PRKCH: variants seen among roughly 807,000 people sequenced by gnomAD.
PRKCH encodes the protein protein kinase C eta.
PRKCH carries 28 observed loss-of-function variants against 82.5 expected under a neutral mutation model. The ratio of observed to expected loss-of-function variants is 0.34; its 90% CI spans 0.25 to 0.47. The LOEUF is 0.47. Ranked by LOEUF, PRKCH falls within the 20% of genes least tolerant of loss-of-function variation. The pLI is 1.00. For synonymous variants in PRKCH, 322 were observed against 327.4 expected (o/e 0.98, Z 0.18); for missense variants, 705 against 881.8 (o/e 0.80, Z 2.54).
At chr14:61,209,489 G>A (rs559527365) in intron 1 of PRKCH, among the ~76,000 whole-genome samples, 85 of 151,936 alleles carry the variant, frequency 5.6e-4, no homozygotes, top group South Asian at 2.5e-3. Context: ...CGAGCTGACT[G>A]AGACAACCAC....
At chr14:61,408,558 A>T (rs1882089664) in intron 2 of PRKCH, among the ~76,000 whole-genome samples, 1 of 152,050 alleles carries the variant, frequency 6.6e-6, no homozygotes. Flanking sequence ...GCGTGACCTT[A>T]AGCAATGGTT....
intron 2 of PRKCH, among the ~76,000 whole-genome samples, chr14:61,439,599 A>G (rs1399725618): frequency 6.8e-6 from 1 of 146,426 alleles, no homozygotes; most frequent in African/African-American, 2.8e-5. Context: ...ATTGAGGTGC[A>G]CTCCCGGCCT....
At chr14:61,354,336 T>TATA (rs1287936439) in intron 1 of PRKCH, among the ~76,000 whole-genome samples, 3 of 152,174 alleles carry the variant, frequency 2.0e-5, no homozygotes, top group East Asian at 3.8e-4. Context: ...CCATGTTGCT[T>TATA]ATAATAGCTG....
chr14:61,330,701 A>G (rs1031543423), intron 1 of PRKCH, among the ~76,000 whole-genome samples: 10 of 152,160 alleles, frequency 6.6e-5, no homozygotes. Flanking sequence ...CCAGTTTGCC[A>G]CAGACCCCTC....
intron 10 of PRKCH, among the ~76,000 whole-genome samples, chr14:61,515,741 A>C (rs975651809): frequency 2.0e-5 from 3 of 152,204 alleles, no homozygotes; most frequent in African/African-American, 7.2e-5. Context: ...ATACCTGCCC[A>C]AAATGCAAAA....
At chr14:61,540,476 G>C (rs960001573) in intron 12 of PRKCH, among the ~76,000 whole-genome samples, 11 of 152,176 alleles carry the variant, frequency 7.2e-5, no homozygotes, top group African/African-American at 2.7e-4. Flanking sequence ...TTCAAATCCT[G>C]ACTGTAGCAC....
At chr14:61,330,708 C>T (rs1313280721) in intron 1 of PRKCH, among the ~76,000 whole-genome samples, 1 of 152,118 alleles carries the variant, frequency 6.6e-6, no homozygotes, top group Non-Finnish European at 1.5e-5. Context: ...GCCACAGACC[C>T]CTCCACTCCC....
intron 2 of PRKCH, among the ~76,000 whole-genome samples, chr14:61,431,769 C>T (rs1414950119): frequency 6.6e-6 from 1 of 152,138 alleles, no homozygotes; most frequent in Non-Finnish European, 1.5e-5. Flanking sequence ...CTGGTAAAAC[C>T]TTTTATTATA....
rs568462285 is a variant in PRKCH, at chr14:61,280,806, C to T, written c.-19+93138C>T. 432 of 1,561,722 alleles carry T rather than the reference C, an allele frequency of 2.8e-4. 1 individual carries two copies. The highest frequency in any genetic ancestry group is 2.1e-4 in the Non-Finnish European group (241 of 1,162,904). On this transcript the variant is annotated intron_variant, in intron 1 of 3. Transcript: ENST00000555185. The surrounding 1 kb of genome is among the most constrained non-coding windows in gnomAD (Gnocchi z 5.0). ...GCCGGTTGTTCTGGTAGAAGTTGGT[C>T]AGCTCGTAGTAGAGGTACACTGGGC...
intron 1 of PRKCH, among the ~76,000 whole-genome samples, chr14:61,222,844 T>C (rs1400121598): frequency 6.6e-6 from 1 of 152,246 alleles, no homozygotes; most frequent in African/African-American, 2.4e-5. Context: ...TCATGAAATT[T>C]GAACCTCAAA....
chr14:61,287,565 C>T (rs1489515070), intron 1 of PRKCH, among the ~76,000 whole-genome samples: 1 of 152,106 alleles, frequency 6.6e-6, no homozygotes, highest in African/African-American at 2.4e-5. Flanking sequence ...ACAAAATTAC[C>T]TAGGCATGGT....
At chr14:61,239,877 C>A (rs376222970) in intron 1 of PRKCH, among the ~76,000 whole-genome samples, 1 of 152,226 alleles carries the variant, frequency 6.6e-6, no homozygotes, top group South Asian at 2.1e-4. Context: ...GGGGTAGCAT[C>A]AAGATCTGAC....
At chr14:61,199,593 A>G (rs1594848331) in intron 1 of PRKCH, among the ~76,000 whole-genome samples, 1 of 150,442 alleles carries the variant, frequency 6.6e-6, no homozygotes, top group Non-Finnish European at 1.5e-5. Flanking sequence ...AGCAGCAACT[A>G]TGCTTGCTTC....
chr14:61,305,570 T>C (rs2045480530), intron 1 of PRKCH: 1 of 152,226 alleles, frequency 6.6e-6, no homozygotes, highest in Non-Finnish European at 1.5e-5. Context: ...TTAAATTATA[T>C]AATTTCTATT....
chr14:61,264,074 A>T (rs1409582898), intron 1 of PRKCH, among the ~76,000 whole-genome samples: 1 of 152,062 alleles, frequency 6.6e-6, no homozygotes, highest in Non-Finnish European at 1.5e-5. Context: ...CCCTCTCAGG[A>T]TGCCATTATA....
intron 1 of PRKCH, among the ~76,000 whole-genome samples, chr14:61,335,248 A>G (rs1414037150): frequency 6.6e-6 from 1 of 152,120 alleles, no homozygotes; most frequent in Non-Finnish European, 1.5e-5. Flanking sequence ...CTCAAATGAC[A>G]TCATAGAAGC....
chr14:61,493,422 A>G (rs558999191), intron 10 of PRKCH, among the ~76,000 whole-genome samples: 1 of 152,338 alleles, frequency 6.6e-6, no homozygotes, highest in Admixed American at 6.5e-5. Context: ...AGCTCCCTTT[A>G]AGGGGCCTCC....
Position 61,280,137 on chromosome 14 carries a change from G to A in PRKCH, c.-19+92469G>A. On this transcript the variant is annotated intron_variant, in intron 1 of 3. Transcript: ENST00000555185. The surrounding 1 kb of genome is among the most constrained non-coding windows in gnomAD (Gnocchi z 5.0). The stretch of plus-strand genomic sequence containing the variant: ...CCTGGTCCTGGTAGCGAATGTAGAC[G>A]ACCAGCATGACAAAGCCGGTGAGGA... The A allele has an allele frequency of 6.2e-6, 10 of 1,613,910 alleles. No individual in the cohort carries two copies. The highest frequency in any genetic ancestry group is 1.7e-4 in the Middle Eastern group (1 of 6,058).
At chr14:61,296,536 C>T (rs1413775587) in intron 1 of PRKCH, among the ~76,000 whole-genome samples, 2 of 152,196 alleles carry the variant, frequency 1.3e-5, no homozygotes, top group Non-Finnish European at 2.9e-5. Flanking sequence ...CTCAGCTTCA[C>T]TTTCTTTCTC....
Sources: gnomAD v4.1 joint callset for allele counts (sites outside exome capture counted in the v4.1 genomes callset) on GRCh38, gnomAD v4.1.1 for gene constraint, Gnocchi (gnomAD v3.1) non-coding constraint, MANE v1.5 for transcripts, NCBI Gene and HGNC (gene_info 2026-07-23, HGNC 2026-07-21) for gene names.